CD99L2: variants seen among roughly 807,000 people sequenced by gnomAD.
The protein encoded by CD99L2 is CD99 antigen-like protein 2.
A neutral mutation model predicts 27.3 loss-of-function variants in CD99L2; 24 were observed. The ratio of observed to expected loss-of-function variants is 0.88; its 90% CI spans 0.64 to 1.24. The LOEUF is 1.24. CD99L2 is among the 50% of genes most tolerant of loss of function. The probability of loss-of-function intolerance (pLI) is 0.00; values close to 1 mark genes in which losing one functional copy is unlikely to be tolerated. For missense variants in CD99L2, 255 were observed against 221.6 expected (o/e 1.15, Z -0.96); for synonymous variants, 97 against 87.9 (o/e 1.10, Z -0.58).
chrX:150,886,111 A>G (rs1373028257), intron 1 of CD99L2, among the ~76,000 whole-genome samples: 2 of 112,145 alleles, frequency 1.8e-5, no homozygotes, highest in African/African-American at 3.2e-5. Context: ...GAACTGTCTG[A>G]GCTGATACCA....
intron 1 of CD99L2, among the ~76,000 whole-genome samples, chrX:150,891,531 G>A (rs1311595002): frequency 8.9e-6 from 1 of 111,746 alleles, no homozygotes; most frequent in African/African-American, 3.3e-5. Flanking sequence ...GGGTCCACCT[G>A]GATAATCCAG....
At chrX:150,796,595 T>C (rs2045801442) in intron 4 of CD99L2, among the ~76,000 whole-genome samples, 1 of 112,308 alleles carries the variant, frequency 8.9e-6, no homozygotes, top group Admixed American at 9.4e-5. Flanking sequence ...GTAGAACTAC[T>C]AGACAGAAAA....
intron 10 of CD99L2, among the ~76,000 whole-genome samples, chrX:150,769,693 CG>C (rs1569565832): frequency 1.3e-5 from 1 of 77,704 alleles, no homozygotes; most frequent in Non-Finnish European, 2.0e-5. Context: ...CACCAGGCCT[CG>C]GCTGCTCCCC....
chrX:150,796,376 T>C (rs782641458), intron 4 of CD99L2, among the ~76,000 whole-genome samples: 3 of 112,405 alleles, frequency 2.7e-5, no homozygotes, highest in African/African-American at 9.7e-5. Flanking sequence ...AGTCAAGTCA[T>C]AACCCAACAG....
At chrX:150,865,697 C>T (rs1409912424) in intron 1 of CD99L2, among the ~76,000 whole-genome samples, 2 of 111,705 alleles carry the variant, frequency 1.8e-5, no homozygotes, top group African/African-American at 6.5e-5. Context: ...TCCCCAGCAA[C>T]AACACACTTT....
intron 1 of CD99L2, among the ~76,000 whole-genome samples, chrX:150,875,175 G>A (rs1166800567): frequency 8.9e-6 from 1 of 111,846 alleles, no homozygotes; most frequent in Non-Finnish European, 1.9e-5. Context: ...TTATTTAATT[G>A]AAATTTTTAT....
At chrX:150,778,465 G>A (rs374088547) in intron 7 of CD99L2, among the ~76,000 whole-genome samples, 5 of 101,664 alleles carry the variant, frequency 4.9e-5, no homozygotes, top group Admixed American at 1.1e-4. Context: ...CTGGCAGGGT[G>A]GGGGGGTATT....
intron 1 of CD99L2, among the ~76,000 whole-genome samples, chrX:150,855,388 T>C (rs183324764): frequency 2.2e-4 from 24 of 111,615 alleles, no homozygotes; most frequent in African/African-American, 7.8e-4. Context: ...GCAGGAAGCA[T>C]GGCTGGGGAG....
intron 4 of CD99L2, among the ~76,000 whole-genome samples, chrX:150,812,236 T>C (rs1439198942): frequency 8.9e-6 from 1 of 111,871 alleles, no homozygotes; most frequent in African/African-American, 3.2e-5. Flanking sequence ...CTAAAACTTC[T>C]GCAAAGGACT....
intron 10 of CD99L2, among the ~76,000 whole-genome samples, chrX:150,769,684 ACCAG>A (rs1569565827): frequency 0.011 from 979 of 91,500 alleles, 6 homozygotes; most frequent in African/African-American, 0.051. Flanking sequence ...TGCCTGCGCC[ACCAG>A]GCCTCGGCTG....
intron 10 of CD99L2, among the ~76,000 whole-genome samples, chrX:150,769,696 C>A (rs1344447223): frequency 3.8e-5 from 3 of 78,097 alleles, no homozygotes; most frequent in Non-Finnish European, 5.9e-5. Context: ...CAGGCCTCGG[C>A]TGCTCCCCGA....
intron 7 of CD99L2, 122 bp downstream of exon 7, chrX:150,793,569 C>A: frequency 1.8e-6 from 1 of 543,422 alleles, no homozygotes; most frequent in Non-Finnish European, 2.9e-6. Context: ...TGAACCCCAA[C>A]TGGCAGGCTG....
At chrX:150,879,750 TAAAAAAAAA>T (rs60706288) in intron 1 of CD99L2, among the ~76,000 whole-genome samples, 1 of 19,388 alleles carries the variant, frequency 5.2e-5, no homozygotes, top group Admixed American at 8.0e-4. Context: ...CTACAAAAAC[TAAAAAAAAA>T]AAAAAAAAAA....
chrX:150,898,590 G>A lies in CD99L2; in HGVS notation c.-2C>T, dbSNP rs1557423158. On this transcript the variant is annotated 5_prime_UTR_variant, in exon 1 of 11. Transcript: ENST00000370377. ...GAACGCCGAGCGCCAGGCCACCATG[G>A]CTGGGAGCAGGCGGAGGGCCCCGGA... 9.0e-7 allele frequency: 1 copy of A among 1,107,457 alleles called. No homozygotes were observed. Among genetic ancestry groups the A allele is most frequent in the Non-Finnish European group, 1.2e-6 (1 of 847,010 alleles). 91.3% of individuals were successfully genotyped at this position (1,107,457 alleles called of 1,213,427 possible).
At chrX:150,771,901 G>A in intron 9 of CD99L2, 1 of 1,076,534 alleles carries the variant, frequency 9.3e-7, no homozygotes. Context: ...TCCACACTGA[G>A]GGCAAAGGCA....
intron 1 of CD99L2, among the ~76,000 whole-genome samples, chrX:150,846,218 TTAAAAA>T (rs1488106073): frequency 5.1e-4 from 57 of 111,762 alleles, no homozygotes; most frequent in Middle Eastern, 9.3e-3. Flanking sequence ...TAAAAATAAC[TTAAAAA>T]TAAAAATAAA....
chrX:150,831,135 A>G (rs2046438418), intron 2 of CD99L2, 96 bp downstream of exon 2: 3 of 734,342 alleles, frequency 4.1e-6, no homozygotes, highest in Non-Finnish European at 6.1e-6. Context: ...CTGATCAAGT[A>G]AAATATATCA....
chrX:150,777,232 A>G, intron 8 of CD99L2: 1 of 451,454 alleles, frequency 2.2e-6, no homozygotes, highest in South Asian at 3.4e-5. Context: ...AAAGATATTG[A>G]GGCCCATAAG....
chrX:150,861,918 AGAG>A (rs782633190), intron 1 of CD99L2, among the ~76,000 whole-genome samples: 790 of 65,738 alleles, frequency 0.012, 11 homozygotes, highest in African/African-American at 0.042. Flanking sequence ...AAAAAAAAAA[AGAG>A]AGAGAGAGAG....
Sources: gnomAD v4.1 joint callset for allele counts (sites outside exome capture counted in the v4.1 genomes callset) on GRCh38, gnomAD v4.1.1 for gene constraint, MANE v1.5 for transcripts, NCBI Gene and HGNC (gene_info 2026-07-23, HGNC 2026-07-21) for gene names.